Variants in PCDH15 observed in about 807,000 individuals in gnomAD.
The protein encoded by PCDH15 is protocadherin-15.
PCDH15 carries 129 observed loss-of-function variants against 178.5 expected under a neutral mutation model. The ratio of observed to expected loss-of-function variants is 0.72; its 90% CI spans 0.63 to 0.84. PCDH15 has a LOEUF of 0.84. Ranked by LOEUF, PCDH15 falls within the 40% of genes least tolerant of loss-of-function variation. PCDH15 has a pLI of 0.00. For synonymous variants in PCDH15, 800 were observed against 732.0 expected, an observed-to-expected ratio of 1.09 and a Z score of -1.50; for missense variants, 2,230 against 2,099.9, an observed-to-expected ratio of 1.06 and a Z score of -1.21.
At chr10:55,570,894 C>T (rs1842396408) in intron 2 of PCDH15, among the ~76,000 whole-genome samples, 1 of 152,004 alleles carries the variant, frequency 6.6e-6, no homozygotes, top group Non-Finnish European at 1.5e-5. Flanking sequence ...TTAGCAAAGG[C>T]AATAATCATT....
At chr10:54,921,081 T>C (rs1421259146) in intron 2 of PCDH15, among the ~76,000 whole-genome samples, 1 of 152,170 alleles carries the variant, frequency 6.6e-6, no homozygotes, top group Non-Finnish European at 1.5e-5. Flanking sequence ...GAACTGATGG[T>C]ACAAATGATG....
chr10:55,442,412 T>C (rs574054084), intron 2 of PCDH15, among the ~76,000 whole-genome samples: 24 of 146,018 alleles, frequency 1.6e-4, no homozygotes, highest in Non-Finnish European at 3.0e-4. Flanking sequence ...TTTCTGGTTT[T>C]CACAAACTTA....
intron 1 of PCDH15, among the ~76,000 whole-genome samples, chr10:54,681,443 G>T (rs1274315148): frequency 6.6e-6 from 1 of 151,878 alleles, no homozygotes; most frequent in Admixed American, 6.6e-5. Flanking sequence ...AAGGGTATGT[G>T]GCTAAAGAGA....
intron 3 of PCDH15, among the ~76,000 whole-genome samples, chr10:54,415,898 C>A (rs375008617): frequency 6.6e-6 from 1 of 152,102 alleles, no homozygotes. Flanking sequence ...AATGGTATTT[C>A]CAATGACAAC....
intron 13 of PCDH15, among the ~76,000 whole-genome samples, chr10:54,153,688 T>C (rs975417717): frequency 2.6e-5 from 4 of 152,152 alleles, no homozygotes; most frequent in Admixed American, 2.6e-4. Flanking sequence ...AGACTGAACC[T>C]GGAAAAAATG....
chr10:55,337,917 A>G (rs1432085981), intron 2 of PCDH15, among the ~76,000 whole-genome samples: 1 of 152,208 alleles, frequency 6.6e-6, no homozygotes, highest in Non-Finnish European at 1.5e-5. Flanking sequence ...TCCATCTGAC[A>G]AAGGCTTAAT....
At chr10:55,023,812 C>G (rs537946235) in intron 2 of PCDH15, among the ~76,000 whole-genome samples, 1 of 150,624 alleles carries the variant, frequency 6.6e-6, no homozygotes, top group South Asian at 2.1e-4. Context: ...TATATTCTTT[C>G]ATATATATAT....
intron 2 of PCDH15, among the ~76,000 whole-genome samples, chr10:55,361,457 C>T (rs775927802): frequency 3.3e-5 from 5 of 151,830 alleles, no homozygotes; most frequent in African/African-American, 7.3e-5. Context: ...CTAAGTAAAA[C>T]GATTAGAAAT....
intron 2 of PCDH15, among the ~76,000 whole-genome samples, chr10:54,944,616 T>C (rs1042155220): frequency 5.1e-4 from 77 of 152,034 alleles, no homozygotes; most frequent in African/African-American, 1.5e-3. Context: ...CATATCAACA[T>C]ATCAGTCAGA....
At chr10:53,817,354 A>C (rs2076096624) in intron 34 of PCDH15, among the ~76,000 whole-genome samples, 1 of 152,122 alleles carries the variant, frequency 6.6e-6, no homozygotes. Context: ...ACAGAATCAA[A>C]TGAACACAGT....
At chr10:54,893,328 A>G (rs1036269734) in intron 3 of PCDH15, among the ~76,000 whole-genome samples, 1 of 152,110 alleles carries the variant, frequency 6.6e-6, no homozygotes, top group Non-Finnish European at 1.5e-5. Flanking sequence ...TTAACCATAA[A>G]TGTTTATGTG....
intron 1 of PCDH15, among the ~76,000 whole-genome samples, chr10:54,686,592 G>A (rs887562653): frequency 6.6e-5 from 10 of 152,034 alleles, no homozygotes; most frequent in African/African-American, 2.2e-4. Context: ...TGTGTGTATG[G>A]TGTAAAATTG....
intron 1 of PCDH15, among the ~76,000 whole-genome samples, chr10:55,248,642 C>A (rs1841747181): frequency 6.6e-6 from 1 of 152,148 alleles, no homozygotes; most frequent in Non-Finnish European, 1.5e-5. Flanking sequence ...CTCCCTGCAA[C>A]CTCCACGTAG....
chr10:54,085,473 A>T (rs17644196), intron 16 of PCDH15, among the ~76,000 whole-genome samples: 3 of 152,164 alleles, frequency 2.0e-5, no homozygotes, highest in Admixed American at 6.5e-5. Flanking sequence ...CATATTTATA[A>T]GGGAAGTTGC....
At chr10:54,770,875 T>C (rs1043612082) in intron 1 of PCDH15, among the ~76,000 whole-genome samples, 5 of 152,042 alleles carry the variant, frequency 3.3e-5, no homozygotes, top group Non-Finnish European at 7.4e-5. Flanking sequence ...TTGTTCAAAA[T>C]TTACTTTGCA....
chr10:54,771,188 C>T (rs1016697599), intron 1 of PCDH15, among the ~76,000 whole-genome samples: 1 of 151,980 alleles, frequency 6.6e-6, no homozygotes, highest in Non-Finnish European at 1.5e-5. Flanking sequence ...TGCTTTAATA[C>T]CCCCAATATT....
At chr10:54,084,635 A>C (rs16913805) in intron 16 of PCDH15, among the ~76,000 whole-genome samples, 37,639 of 152,028 alleles carry the variant, frequency 0.25, 4,957 homozygotes, top group Admixed American at 0.3. Context: ...AGAAAGTAGC[A>C]GAGGATATCT....
At chr10:54,977,449 T>C (rs1205846246) in intron 2 of PCDH15, among the ~76,000 whole-genome samples, 1 of 152,084 alleles carries the variant, frequency 6.6e-6, no homozygotes, top group Non-Finnish European at 1.5e-5. Context: ...GACACTCCTA[T>C]CAGTGCCATG....
chr10:53,910,216 T>C (rs2082981310), intron 25 of PCDH15, among the ~76,000 whole-genome samples: 1 of 152,158 alleles, frequency 6.6e-6, no homozygotes, highest in South Asian at 2.1e-4. Context: ...AGTGGGTCCC[T>C]ACCCCAGTGT....
Sources: gnomAD v4.1 joint callset for allele counts (sites outside exome capture counted in the v4.1 genomes callset) on GRCh38, gnomAD v4.1.1 for gene constraint, MANE v1.5 for transcripts, NCBI Gene and HGNC (gene_info 2026-07-23, HGNC 2026-07-21) for gene names.